The following TRHDE variants were observed in gnomAD, a reference collection of about 807,000 sequenced individuals.
TRHDE encodes the protein thyrotropin-releasing hormone-degrading ectoenzyme.
TRHDE carries 72 observed loss-of-function variants against 125.7 expected under a neutral mutation model. That is an observed-to-expected ratio of 0.57 (90% CI 0.47 to 0.70). The LOEUF (loss-of-function observed/expected upper bound fraction) is 0.70, where lower values mean the gene tolerates loss of function less well. Among genes scored for constraint, TRHDE ranks in the 30% least tolerant of loss-of-function variants. TRHDE has a pLI of 0.00. For missense variants in TRHDE, 1,110 were observed against 1,327.1 expected, an observed-to-expected ratio of 0.84 and a Z score of 2.54; for synonymous variants, 509 against 509.1, an observed-to-expected ratio of 1.00 and a Z score of 0.00.
rs1390407718 is a variant in TRHDE, at chr12:72,187,478, G to A, written n.279+81726G>A. The stretch of plus-strand genomic sequence containing the variant: ...GGTGGTGGTGGTGGTGGTTGTGGTC[G>A]TGGTGGTGGTGGTGGTGGTGGTGGT... On this transcript the variant is annotated intron_variant and non_coding_transcript_variant, in intron 2 of 4. Transcript: ENST00000548156. Among the ~76,000 whole-genome samples the A allele has an allele frequency of 5.2e-5, 7 of 133,986 alleles. No individual in the cohort carries two copies. The East Asian group carries it at 7.1e-4, about 14-fold the overall frequency. The allele number at this position is 133,986 out of a possible 152,430, so 87.9% of individuals were successfully genotyped here.
intron 2 of TRHDE, among the ~76,000 whole-genome samples, chr12:72,185,379 C>G (rs374435542): frequency 6.6e-6 from 1 of 152,250 alleles, no homozygotes; most frequent in Admixed American, 6.5e-5. Flanking sequence ...AGCACCACCC[C>G]CTGCTCCACG....
intron 12 of TRHDE, among the ~76,000 whole-genome samples, chr12:72,614,667 C>T (rs1349828328): frequency 6.6e-6 from 1 of 151,976 alleles, no homozygotes; most frequent in Non-Finnish European, 1.5e-5. Flanking sequence ...GAGTATGATG[C>T]TCCAAAGAAT....
intron 6 of TRHDE, among the ~76,000 whole-genome samples, chr12:72,520,231 T>TC (rs1879118285): frequency 1.3e-5 from 2 of 151,078 alleles, no homozygotes; most frequent in East Asian, 3.9e-4. Flanking sequence ...CGGGCGCCCC[T>TC]CCCCCAGTCT....
At chr12:72,119,624 G>A (rs927451011) in intron 2 of TRHDE, among the ~76,000 whole-genome samples, 2 of 152,194 alleles carry the variant, frequency 1.3e-5, no homozygotes, top group African/African-American at 4.8e-5. Context: ...AGTACAGAAA[G>A]TGAAGTGTTG....
chr12:72,220,289 C>T (rs565962895), intron 2 of TRHDE, among the ~76,000 whole-genome samples: 9 of 152,150 alleles, frequency 5.9e-5, no homozygotes, highest in African/African-American at 2.2e-4. Context: ...TTGTTTTGGT[C>T]ATGTTATCTT....
At position 72,173,885 on chromosome 12, in the gene TRHDE, C is replaced by A. The variant is rs1876933498; in HGVS notation, n.279+68133C>A. On this transcript the variant is annotated intron_variant and non_coding_transcript_variant, in intron 2 of 4. Coordinates refer to the TRHDE transcript ENST00000548156. ...TACTTCAGTGTGAATTTTCTAAGAACAAGGACATTCTTAATTATAGTATGA... is the reference window on the plus strand; with the variant it reads ...TACTTCAGTGTGAATTTTCTAAGAAAAAGGACATTCTTAATTATAGTATGA... Among the ~76,000 whole-genome samples the A allele has an allele frequency of 2.0e-5, 3 of 152,210 alleles. No individual in the cohort carries two copies. The Middle Eastern group carries it at 0.01, about 518-fold the overall frequency.
chr12:72,115,047 G>C (rs1387188609), intron 2 of TRHDE, among the ~76,000 whole-genome samples: 1 of 151,718 alleles, frequency 6.6e-6, no homozygotes, highest in Non-Finnish European at 1.5e-5. Context: ...ATCACCTCAG[G>C]GTAAATGGGG....
At chr12:72,512,431 TATA>T (rs1312835009) in intron 6 of TRHDE, among the ~76,000 whole-genome samples, 5 of 106,090 alleles carry the variant, frequency 4.7e-5, no homozygotes, top group African/African-American at 1.1e-4. Flanking sequence ...ATATATATTA[TATA>T]ATATGTTATA....
At chr12:72,395,817 T>G (rs1872764525) in intron 3 of TRHDE, among the ~76,000 whole-genome samples, 2 of 152,302 alleles carry the variant, frequency 1.3e-5, no homozygotes, top group South Asian at 4.1e-4. Flanking sequence ...TTATTTAGCT[T>G]TACTATTCTC....
At chr12:72,179,638 T>C (rs1877056326) in intron 2 of TRHDE, among the ~76,000 whole-genome samples, 1 of 152,160 alleles carries the variant, frequency 6.6e-6, no homozygotes, top group African/African-American at 2.4e-5. Context: ...CTTCCTTGTC[T>C]GAACTCTACA....
chr12:72,466,444 A>G (rs1876379886), intron 3 of TRHDE, among the ~76,000 whole-genome samples: 1 of 152,188 alleles, frequency 6.6e-6, no homozygotes, highest in Non-Finnish European at 1.5e-5. Context: ...ATGTTGCTAC[A>G]AGTAAATGAC....
chr12:72,191,972 G>C (rs1338589884), intron 2 of TRHDE, among the ~76,000 whole-genome samples: 1 of 152,100 alleles, frequency 6.6e-6, no homozygotes, highest in Admixed American at 6.6e-5. Context: ...GCTTTTCTGG[G>C]CTAGCTTTGT....
intron 2 of TRHDE, among the ~76,000 whole-genome samples, chr12:72,245,243 A>ATGTGTG (rs370752757): frequency 0.037 from 5,452 of 147,264 alleles, 125 homozygotes; most frequent in African/African-American, 0.045. Flanking sequence ...GTTTGTGTGT[A>ATGTGTG]TGTGTGTGTG....
chr12:72,186,290 G>GAGCTGT (rs1187489849), intron 2 of TRHDE: 5 of 161,544 alleles, frequency 3.1e-5, no homozygotes, highest in African/African-American at 1.3e-4. Context: ...GCTGCCTTAA[G>GAGCTGT]AGCTGTAACA....
Position 72,463,656 on chromosome 12 carries a change from G to A in TRHDE, c.1316-6102G>A, listed in dbSNP as rs371976203. Among the ~76,000 whole-genome samples, 6 of 152,262 alleles carry A rather than the reference G, an allele frequency of 3.9e-5. No homozygotes were observed. In the South Asian group the frequency reaches 1.2e-3, roughly 32 times the overall value. ...CAGACTCTTTCACACTGGAGCCAGG[G>A]CTTAGAGGAGCTCAAAGCTGGGGCA... On this transcript the variant is annotated intron_variant, in intron 3 of 18. Transcript: ENST00000261180.
intron 1 of TRHDE, among the ~76,000 whole-genome samples, chr12:72,102,080 A>G (rs1875080766): frequency 6.6e-6 from 1 of 152,232 alleles, no homozygotes; most frequent in South Asian, 2.1e-4. Flanking sequence ...TTTAGAAAGC[A>G]GTAATTAAGC....
intron 6 of TRHDE, among the ~76,000 whole-genome samples, chr12:72,533,412 A>T (rs1186554988): frequency 6.6e-6 from 1 of 152,078 alleles, no homozygotes; most frequent in Non-Finnish European, 1.5e-5. Context: ...TGACCTTGTG[A>T]TCTGCCCACC....
At position 72,202,113 on chromosome 12, in the gene TRHDE, G is replaced by A. The variant is rs1939411837; in HGVS notation, n.279+96361G>A. Among the ~76,000 whole-genome samples the A allele has an allele frequency of 2.0e-5, 3 of 152,182 alleles. No homozygotes were observed. In the South Asian group the frequency reaches 6.2e-4, roughly 32 times the overall value. On this transcript the variant is annotated intron_variant and non_coding_transcript_variant, in intron 2 of 4. Transcript: ENST00000548156. ...AATCATGATGGTTGCTTGGTGAGAT[G>A]ACTGAAATCAGATTTTGATTTTAAT... is the stretch of plus-strand genomic sequence containing the variant.
chr12:72,611,912 G>A lies in TRHDE; in HGVS notation c.2322-6979G>A, dbSNP rs538327105. ...CAATATCTTCTCTATCGTGAATACT[G>A]ACATCTTTTCTTCACTCACTATTAA... On this transcript the variant is annotated intron_variant, in intron 12 of 18. Coordinates refer to ENST00000261180, the MANE Select transcript of TRHDE (RefSeq NM_013381.3). Among the ~76,000 whole-genome samples, 4 of 152,272 alleles carry A rather than the reference G, an allele frequency of 2.6e-5. No individual in the cohort carries two copies. The East Asian group carries it at 7.7e-4, about 29-fold the overall frequency.
Sources: gnomAD v4.1 joint callset for allele counts (sites outside exome capture counted in the v4.1 genomes callset) on GRCh38, gnomAD v4.1.1 for gene constraint, MANE v1.5 for transcripts, NCBI Gene and HGNC (gene_info 2026-07-23, HGNC 2026-07-21) for gene names.